Variants in ZNF746 observed in about 807,000 individuals in gnomAD.
ZNF746 encodes parkin-interacting substrate.
In ZNF746, 13 loss-of-function variants were observed where a neutral mutation model predicts 41.0. That is an observed-to-expected ratio of 0.32 (90% CI 0.21 to 0.50). The LOEUF (loss-of-function observed/expected upper bound fraction) is 0.50. Among genes scored for constraint, ZNF746 ranks in the 20% least tolerant of loss-of-function variants. ZNF746 has a pLI of 0.98. For synonymous variants in ZNF746, 424 were observed against 396.2 expected (o/e 1.07, Z -0.83); for missense variants, 811 against 922.9 (o/e 0.88, Z 1.57).
At position 149,484,587 on chromosome 7, in the gene ZNF746, A is replaced by G. The variant is rs1585730683; in HGVS notation, c.566-6832T>C. Among the ~76,000 whole-genome samples, 9 of 152,330 alleles carry G rather than the reference A, an allele frequency of 5.9e-5. No individual in the cohort carries two copies. In the East Asian group the frequency reaches 1.7e-3, roughly 29 times the overall value. On this transcript the variant is annotated intron_variant, in intron 4 of 6. Transcript: ENST00000458143. ...AATATTATACTCAATGTGAAAAGTT[A>G]AAAAGTGTCCTCTTTAAAATCATGA...
At chr7:149,487,732 A>C (rs576768006) in intron 4 of ZNF746, 1 of 152,342 alleles carries the variant, frequency 6.6e-6, no homozygotes, top group Admixed American at 6.5e-5. Context: ...AAAAACAACT[A>C]TCAGAAGAAA....
intron 4 of ZNF746, chr7:149,489,224 T>C (rs1800718102): frequency 1.4e-5 from 2 of 139,796 alleles, no homozygotes; most frequent in Non-Finnish European, 3.1e-5. Flanking sequence ...CTATCAGAAA[T>C]ACATTATTTC....
Position 149,494,117 on chromosome 7 carries a change from T to C in ZNF746, c.325-2A>G, listed in dbSNP as rs766691031. On this transcript the variant is annotated splice_acceptor_variant, in intron 2 of 6. Coordinates refer to ENST00000458143, the MANE Select transcript of ZNF746 (RefSeq NM_001394198.1). LOFTEE classifies it high-confidence loss of function. This position sits in a 1 kb window ranked among gnomAD's most constrained non-coding sequence, Gnocchi z 5.6. ...CACATCATCAAAGGTCACGGGCACC[T>C]GGAACCACAAGTGTCACACTCGCTC... is the stretch of plus-strand genomic sequence containing the variant. 8.1e-6 allele frequency: 13 copies of C among 1,614,186 alleles called. No homozygotes were observed. The highest frequency in any genetic ancestry group is 1.1e-5 in the Non-Finnish European group (13 of 1,180,038).
Position 149,476,999 on chromosome 7 carries a change from G to C in ZNF746, c.806C>G (p.Thr269Arg), listed in dbSNP as rs144007946. ...AGAGGGATGGTGGGGAGGGAGATCC[G>C]TTTGCCAGGAGGTGGGCGGGATGGT... Reference protein sequence around the residue: ...STTIPPTSWQTDLPPHHPSSA... With the variant: ...STTIPPTSWQRDLPPHHPSSA... Residue 269 changes from threonine (T) to arginine (R), a missense_variant, in exon 6 of 7, where the codon ACG becomes AGG. Physicochemically the swap from Thr to Arg is moderately conservative, Grantham distance 71. This residue lies in a region of ZNF746 where 495 missense variants were observed against 481.6 expected (regional missense o/e 1.03). Coordinates refer to ENST00000458143, the MANE Select transcript of ZNF746 (RefSeq NM_001394198.1). The C allele has an allele frequency of 6.2e-7, 1 of 1,613,906 alleles. No individual in the cohort carries two copies. The highest frequency in any genetic ancestry group is 1.1e-5 in the South Asian group (1 of 91,080).
chr7:149,478,494 A>G (rs1268775597), intron 4 of ZNF746, among the ~76,000 whole-genome samples: 1 of 152,198 alleles, frequency 6.6e-6, no homozygotes, highest in Non-Finnish European at 1.5e-5. Context: ...GACACCATAA[A>G]CTGAGAAATT....
rs368733603 is a variant in ZNF746, at chr7:149,474,628, C to T, written c.1739G>A (p.Arg580Gln). Residue 580 changes from arginine to glutamine, a missense_variant, in exon 7 of 7, where the codon CGG (arginine) becomes CAG (glutamine). Coordinates refer to ENST00000458143, the MANE Select transcript of ZNF746 (RefSeq NM_001394198.1). This position sits in a 1 kb window ranked among gnomAD's most constrained non-coding sequence, Gnocchi z 6.3. ...GCCGCAGACGGTGCAGGTGAAGGGC[C>T]GCACGCCCGTGTGCGTTCGGTAGTG... Reference protein sequence around the residue: ...IDHYRTHTGVRPFTCTVCGKS... With the variant: ...IDHYRTHTGVQPFTCTVCGKS... 2 of 1,613,440 alleles carry T rather than the reference C, an allele frequency of 1.2e-6. No individual in the cohort carries two copies. Among genetic ancestry groups the T allele is most frequent in the Non-Finnish European group, 1.7e-6 (2 of 1,179,772 alleles).
At chr7:149,496,047 C>G (rs571620562) in intron 1 of ZNF746, among the ~76,000 whole-genome samples, 1 of 152,180 alleles carries the variant, frequency 6.6e-6, no homozygotes, top group African/African-American at 2.4e-5. Flanking sequence ...ATCCCTGTCA[C>G]GTGATCCCAG....
chr7:149,474,678 G>A lies in ZNF746; in HGVS notation c.1689C>T (p.Phe563=), dbSNP rs1227652010. ...GGTCGATGAGCTTGGAGCGTTCGGT[G>A]AAGCGCTTCTCACACTCGGTGCAGG... ...PFPCTECEKR[F]TERSKLIDHY... is the part of the protein sequence containing the mutation. Residue 563 remains phenylalanine (F), a synonymous_variant, in exon 7 of 7, where the codon TTC becomes TTT. Coordinates refer to ENST00000458143, the MANE Select transcript of ZNF746 (RefSeq NM_001394198.1). The surrounding 1 kb of genome is among the most constrained non-coding windows in gnomAD (Gnocchi z 6.3). 2.5e-6 allele frequency: 4 copies of A among 1,613,204 alleles called. No homozygotes were observed. The highest frequency in any genetic ancestry group is 3.4e-6 in the Non-Finnish European group (4 of 1,179,770).
In ZNF746 at chr7:149,497,555, C is replaced by A; in HGVS notation, c.-19G>T. The A allele has an allele frequency of 1.9e-6, 2 of 1,065,574 alleles. No homozygotes were observed. The highest frequency in any genetic ancestry group is 2.3e-6 in the Non-Finnish European group (2 of 885,176). The allele number at this position is 1,065,574 out of a possible 1,614,324, so 66.0% of individuals were successfully genotyped here. Reference sequence around the variant, plus strand: ...CGGCCATGGCCCTGCGCTGTCCCGCCCGGCCCGGAGGAAGTCGTCGTCGCC... The same window carrying A: ...CGGCCATGGCCCTGCGCTGTCCCGCACGGCCCGGAGGAAGTCGTCGTCGCC... On this transcript the variant is annotated 5_prime_UTR_variant, in exon 1 of 7. Transcript: ENST00000458143. This position sits in a 1 kb window ranked among gnomAD's most constrained non-coding sequence, Gnocchi z 4.2.
In ZNF746 at chr7:149,472,937, A is replaced by T. The variant is rs1405991710; in HGVS notation, c.*1447T>A. 1 of 152,628 alleles carries T rather than the reference A, an allele frequency of 6.6e-6. No homozygotes were observed. The highest frequency in any genetic ancestry group is 1.5e-5 in the Non-Finnish European group (1 of 68,042). The allele number at this position is 152,628 out of a possible 1,614,324, so 9.5% of individuals were successfully genotyped here. A position where few individuals can be genotyped will look rare whatever the true frequency, so the allele number is the denominator to read the frequency against. On this transcript the variant is annotated 3_prime_UTR_variant, in exon 7 of 7. Transcript: ENST00000458143. ...CTTAACTAGTCTATCGCCTAATAAA[A>T]GTATGCATGAGGGGGCTGAATGAAT...
In ZNF746 at chr7:149,494,556, T is replaced by G. The variant is rs867097324; in HGVS notation, c.25-53A>C. On this transcript the variant is annotated intron_variant, in intron 1 of 6. Transcript: ENST00000458143. This position sits in a 1 kb window ranked among gnomAD's most constrained non-coding sequence, Gnocchi z 5.6. Reference sequence around the variant, plus strand: ...TCACTCATTCCATCCACTGTCTTCATTGAGCCCCTCTCTCCCTAGGCACGG... The same window carrying G: ...TCACTCATTCCATCCACTGTCTTCAGTGAGCCCCTCTCTCCCTAGGCACGG... 1.4e-4 allele frequency: 225 copies of G among 1,590,136 alleles called. 1 individual carries two copies. The African/African-American group carries it at 2.5e-3, about 18-fold the overall frequency.
At position 149,474,481 on chromosome 7, in the gene ZNF746, C is replaced by G. The variant is rs775666659; in HGVS notation, c.1886G>C (p.Ser629Thr). The G allele has an allele frequency of 6.2e-7, 1 of 1,610,626 alleles. No homozygotes were observed. The highest frequency in any genetic ancestry group is 2.2e-5 in the East Asian group (1 of 44,778). The change falls in exon 7 of 7, where the codon AGC (serine) becomes ACC (threonine). Residue 629 changes from serine (S) to threonine (T), a missense_variant. Coordinates refer to ENST00000458143, the MANE Select transcript of ZNF746 (RefSeq NM_001394198.1). The surrounding 1 kb of genome is among the most constrained non-coding windows in gnomAD (Gnocchi z 6.3). Reference sequence around the variant, plus strand: ...GGCCAAAGGTCCTTTGGAGGCGGGGCTCTTGAAGGGATCAGGAGGTGCGGG... The same window carrying G: ...GGCCAAAGGTCCTTTGGAGGCGGGGGTCTTGAAGGGATCAGGAGGTGCGGG... The part of the protein sequence containing the change: ...TPPAPPDPFK[S>T]PASKGPLAST...
intron 6 of ZNF746, 113 bp from the exon 7 acceptor site, chr7:149,475,596 C>T (rs774060029): frequency 6.0e-6 from 9 of 1,496,480 alleles, no homozygotes; most frequent in Non-Finnish European, 8.0e-6. Flanking sequence ...CCACCCAGGC[C>T]CTCGTGGCTG....
rs1466241008 is a variant in ZNF746, at chr7:149,475,491, A to G, written c.884-8T>C. ...TTACAATTTTTACATCTGCTGAGAA[A>G]GACAGAAAGACAGATACTGACCTGT... On this transcript the variant is annotated splice_region_variant and splice_polypyrimidine_tract_variant and intron_variant, in intron 6 of 6. Coordinates refer to ENST00000458143, the MANE Select transcript of ZNF746 (RefSeq NM_001394198.1). 1.2e-6 allele frequency: 2 copies of G among 1,607,070 alleles called. No individual in the cohort carries two copies. The highest frequency in any genetic ancestry group is 8.5e-7 in the Non-Finnish European group (1 of 1,175,826).
chr7:149,473,793 G>C lies in ZNF746; in HGVS notation c.*591C>G, dbSNP rs531991064. 4.2e-4 allele frequency: 66 copies of C among 156,346 alleles called. 1 individual carries two copies. The highest frequency in any genetic ancestry group is 3.5e-3 in the South Asian group (18 of 5,196). 9.7% of individuals were successfully genotyped at this position (156,346 alleles called of 1,614,324 possible). ...CAGCACTTTTGGGGGGCCTTTTCAG[G>C]AGAGGCAAGCTGGGAAATGCAACCG... On this transcript the variant is annotated 3_prime_UTR_variant, in exon 7 of 7. Coordinates refer to ENST00000458143, the MANE Select transcript of ZNF746 (RefSeq NM_001394198.1).
rs1018462261 is a variant in ZNF746, at chr7:149,472,935, A to G, written c.*1449T>C. 1 of 152,582 alleles carries G rather than the reference A, an allele frequency of 6.6e-6. No individual in the cohort carries two copies. The highest frequency in any genetic ancestry group is 1.5e-5 in the Non-Finnish European group (1 of 68,030). 9.5% of individuals were successfully genotyped at this position (152,582 alleles called of 1,614,324 possible). Reference sequence around the variant, plus strand: ...TTCTTAACTAGTCTATCGCCTAATAAAAGTATGCATGAGGGGGCTGAATGA... The same window carrying G: ...TTCTTAACTAGTCTATCGCCTAATAGAAGTATGCATGAGGGGGCTGAATGA... On this transcript the variant is annotated 3_prime_UTR_variant, in exon 7 of 7. Coordinates refer to ENST00000458143, the MANE Select transcript of ZNF746 (RefSeq NM_001394198.1).
rs752029438 is a variant in ZNF746 at position 149,475,017 on chromosome 7, A to C, written c.1350T>G (p.Phe450Leu). Residue 450 changes from phenylalanine to leucine, a missense_variant, in exon 7 of 7, where the codon TTT becomes TTG. Physicochemically the swap from Phe to Leu is conservative, Grantham distance 22. Transcript: ENST00000458143. ...GCTTCTTCAGCCCTGGCTTGTGGCC[A>C]AAGCCTTTGGTCCGGCCAGGGTATT... ...PCKYPGRTKGFGHKPGLKKHP... is the reference protein window; with the variant it reads ...PCKYPGRTKGLGHKPGLKKHP... The C allele has an allele frequency of 2.2e-5, 34 of 1,553,090 alleles. No individual in the cohort carries two copies. The highest frequency in any genetic ancestry group is 2.7e-5 in the African/African-American group (2 of 73,594).
Position 149,474,752 on chromosome 7 carries a change from CG to C in ZNF746, c.1614del (p.Ala539ArgfsTer104). ...CGECGRCFTRPAHLIRHRMLH... is the reference protein window; with the variant it reads ...CGECGRCFTRXAHLIRHRMLH... The stretch of plus-strand genomic sequence containing the variant: ...AGCATGCGATGGCGGATGAGGTGCG[CG>C]GGGCGCGTGAAGCAACGGCCGCACT... On this transcript the variant is annotated frameshift_variant, in exon 7 of 7. Transcript: ENST00000458143. LOFTEE classifies it high-confidence loss of function. The surrounding 1 kb of genome is among the most constrained non-coding windows in gnomAD (Gnocchi z 6.3). The C allele has an allele frequency of 6.3e-7, 1 of 1,598,674 alleles. No homozygotes were observed.
chr7:149,497,432 G>A lies in ZNF746; in HGVS notation c.24+81C>T. The A allele has an allele frequency of 9.6e-7, 1 of 1,044,360 alleles. No individual in the cohort carries two copies. Among genetic ancestry groups the A allele is most frequent in the Non-Finnish European group, 1.2e-6 (1 of 867,800 alleles). The allele number at this position is 1,044,360 out of a possible 1,614,324, so 64.7% of individuals were successfully genotyped here. A position where few individuals can be genotyped will look rare whatever the true frequency, so the allele number is the denominator to read the frequency against. ...GCCCGGACCCCGGAACCCCTCCCCA[G>A]GGCCTGCGGCGCCGTGTGCCGGGGC... On this transcript the variant is annotated intron_variant, in intron 1 of 6. Coordinates refer to ENST00000458143, the MANE Select transcript of ZNF746 (RefSeq NM_001394198.1). The surrounding 1 kb of genome is among the most constrained non-coding windows in gnomAD (Gnocchi z 4.2).
Sources: gnomAD v4.1 joint callset for allele counts (sites outside exome capture counted in the v4.1 genomes callset) on GRCh38, gnomAD v4.1.1 for gene constraint, gnomAD v4.1.1 regional missense constraint, Gnocchi (gnomAD v3.1) non-coding constraint, MANE v1.5 for transcripts, NCBI Gene and HGNC (gene_info 2026-07-23, HGNC 2026-07-21) for gene names.